The following DYM variants were observed in gnomAD, a reference collection of about 807,000 sequenced individuals.
DYM encodes dymeclin.
DYM carries 78 observed loss-of-function variants against 93.1 expected under a neutral mutation model. That is an observed-to-expected ratio of 0.84 (90% CI 0.70 to 1.01). The LOEUF is 1.01. DYM is among the 50% of genes least tolerant of loss of function. DYM has a pLI of 0.00. For missense variants in DYM, 789 were observed against 845.0 expected (o/e 0.93, Z 0.82); for synonymous variants, 321 against 319.7 (o/e 1.00, Z -0.04).
At chr18:49,206,535 A>C (rs2092515809) in intron 14 of DYM, 1 of 152,278 alleles carries the variant, frequency 6.6e-6, no homozygotes, top group Non-Finnish European at 1.5e-5. Context: ...AATGTTTGTC[A>C]CCTGCAAAGG....
At chr18:49,257,851 C>T (rs1039703711) in intron 12 of DYM, among the ~76,000 whole-genome samples, 4 of 148,968 alleles carry the variant, frequency 2.7e-5, no homozygotes, top group Admixed American at 2.7e-4. Flanking sequence ...GTGGCACAAT[C>T]GTAGCTCAAA....
At chr18:49,393,996 C>T (rs1879831448) in intron 2 of DYM, among the ~76,000 whole-genome samples, 1 of 151,986 alleles carries the variant, frequency 6.6e-6, no homozygotes, top group Admixed American at 6.6e-5. Flanking sequence ...GAATAGGGAA[C>T]TAGTGTTTAG....
At chr18:49,379,444 C>A (rs2067829630) in intron 4 of DYM, among the ~76,000 whole-genome samples, 1 of 152,082 alleles carries the variant, frequency 6.6e-6, no homozygotes, top group African/African-American at 2.4e-5. Context: ...AGAATATAAT[C>A]TAAAGATTGT....
intron 2 of DYM, among the ~76,000 whole-genome samples, chr18:49,420,424 C>T (rs982555245): frequency 2.0e-5 from 3 of 152,138 alleles, no homozygotes; most frequent in Admixed American, 2.0e-4. Context: ...CTGCCTCGGT[C>T]TCCCAAGGTG....
At chr18:49,094,249 G>A (rs1455176387) in intron 17 of DYM, among the ~76,000 whole-genome samples, 1 of 152,106 alleles carries the variant, frequency 6.6e-6, no homozygotes, top group Non-Finnish European at 1.5e-5. Context: ...GAACACGCAC[G>A]GATCTGGAAG....
At chr18:49,306,062 A>T (rs1465276501) in intron 8 of DYM, among the ~76,000 whole-genome samples, 5 of 152,352 alleles carry the variant, frequency 3.3e-5, no homozygotes, top group Admixed American at 3.3e-4. Flanking sequence ...GATCAGATAC[A>T]GCTGAAAAGA....
At chr18:49,222,527 A>G (rs2093400655) in intron 13 of DYM, among the ~76,000 whole-genome samples, 1 of 152,298 alleles carries the variant, frequency 6.6e-6, no homozygotes, top group South Asian at 2.1e-4. Context: ...AAGAGGCAAC[A>G]TAAGGGATCT....
At chr18:49,256,900 G>A (rs1159406815) in intron 13 of DYM, 110 bp downstream of exon 13, 1 of 910,024 alleles carries the variant, frequency 1.1e-6, no homozygotes, top group Non-Finnish European at 1.7e-6. Flanking sequence ...AAATTAAGTA[G>A]GAAAATTTGA....
At chr18:49,317,928 C>G (rs2062141571) in intron 8 of DYM, among the ~76,000 whole-genome samples, 1 of 151,976 alleles carries the variant, frequency 6.6e-6, no homozygotes, top group African/African-American at 2.4e-5. Flanking sequence ...ATAACACATT[C>G]TTCATATTCT....
intron 8 of DYM, among the ~76,000 whole-genome samples, chr18:49,312,089 T>A (rs982857908): frequency 6.6e-6 from 1 of 152,182 alleles, no homozygotes; most frequent in African/African-American, 2.4e-5. Context: ...AACTTCACTA[T>A]TGCTTATGTT....
intron 16 of DYM, among the ~76,000 whole-genome samples, chr18:49,097,748 C>G (rs1380207738): frequency 6.6e-6 from 1 of 152,142 alleles, no homozygotes; most frequent in East Asian, 1.9e-4. Flanking sequence ...AAGTAGCCTC[C>G]TGAATTCTAC....
intron 15 of DYM, among the ~76,000 whole-genome samples, chr18:49,159,450 A>C (rs1269705929): frequency 6.6e-6 from 1 of 152,260 alleles, no homozygotes. Flanking sequence ...CTATGAAGTC[A>C]AAAGGTCAGC....
At chr18:49,454,367 C>G (rs117782027) in intron 1 of DYM, among the ~76,000 whole-genome samples, 9 of 152,108 alleles carry the variant, frequency 5.9e-5, no homozygotes, top group Non-Finnish European at 2.9e-5. Flanking sequence ...AGCTTGCACA[C>G]GATAATGCCT....
intron 17 of DYM, among the ~76,000 whole-genome samples, chr18:49,056,322 C>T (rs1245542698): frequency 6.6e-6 from 1 of 152,138 alleles, no homozygotes; most frequent in Non-Finnish European, 1.5e-5. Context: ...ACTCTGTTTT[C>T]CAAAACCAAA....
chr18:49,086,341 C>T (rs1042201227), intron 17 of DYM, among the ~76,000 whole-genome samples: 1 of 152,166 alleles, frequency 6.6e-6, no homozygotes, highest in African/African-American at 2.4e-5. Context: ...GCCTCTCTTT[C>T]TCCTCTTATA....
chr18:49,367,271 T>C (rs960298073), intron 5 of DYM, among the ~76,000 whole-genome samples: 3 of 152,188 alleles, frequency 2.0e-5, no homozygotes, highest in Non-Finnish European at 4.4e-5. Context: ...GTCACTAAAA[T>C]CCCAGCCCTA....
At chr18:49,420,464 T>C (rs915135060) in intron 2 of DYM, among the ~76,000 whole-genome samples, 20 of 152,210 alleles carry the variant, frequency 1.3e-4, no homozygotes, top group African/African-American at 4.8e-4. Flanking sequence ...CCACCACACC[T>C]GGCTTAAACT....
intron 17 of DYM, among the ~76,000 whole-genome samples, chr18:49,085,832 G>A (rs1005879470): frequency 1.3e-5 from 2 of 151,926 alleles, no homozygotes; most frequent in Non-Finnish European, 2.9e-5. Flanking sequence ...GCTCTTGAAC[G>A]TCTGACTGGT....
chr18:49,131,289 T>C (rs1450055874), intron 15 of DYM, among the ~76,000 whole-genome samples: 3 of 152,218 alleles, frequency 2.0e-5, no homozygotes, highest in Non-Finnish European at 4.4e-5. Flanking sequence ...GGGCCTTCTG[T>C]AAGCAGCAAG....
Sources: gnomAD v4.1 joint callset for allele counts (sites outside exome capture counted in the v4.1 genomes callset) on GRCh38, gnomAD v4.1.1 for gene constraint, MANE v1.5 for transcripts, NCBI Gene and HGNC (gene_info 2026-07-23, HGNC 2026-07-21) for gene names.